The following CDS1 variants were observed in gnomAD, a reference collection of about 807,000 sequenced individuals.
CDS1 encodes CDP-diacylglycerol synthase 1.
Under a neutral mutation model 62.1 loss-of-function variants are expected in CDS1, and 41 were observed. The observed-to-expected ratio is 0.66, with a 90% confidence interval of 0.51 to 0.86. The LOEUF is 0.86. Among genes scored for constraint, CDS1 ranks in the 40% least tolerant of loss-of-function variants. The probability of loss-of-function intolerance (pLI) is 0.00; values close to 1 mark genes in which losing one functional copy is unlikely to be tolerated. For missense variants in CDS1, 470 were observed against 550.1 expected (o/e 0.85, Z 1.46); for synonymous variants, 185 against 192.6 (o/e 0.96, Z 0.32).
At chr4:84,646,223 G>A (rs183123651) in intron 12 of CDS1, among the ~76,000 whole-genome samples, 1 of 152,036 alleles carries the variant, frequency 6.6e-6, no homozygotes, top group South Asian at 2.1e-4. Context: ...AACTATTTTT[G>A]AGAGACAGTC....
chr4:84,595,909 T>G (rs1206945544), intron 1 of CDS1, among the ~76,000 whole-genome samples: 1 of 152,208 alleles, frequency 6.6e-6, no homozygotes, highest in African/African-American at 2.4e-5. Context: ...TATAATAGAA[T>G]GAGATATCAC....
At chr4:84,621,828 G>A (rs1211227481) in intron 5 of CDS1, among the ~76,000 whole-genome samples, 3 of 152,164 alleles carry the variant, frequency 2.0e-5, no homozygotes, top group Non-Finnish European at 4.4e-5. Context: ...CCTAGAAATA[G>A]GTATTGAAAA....
intron 2 of CDS1, among the ~76,000 whole-genome samples, chr4:84,606,051 AG>A (rs894756983): frequency 6.6e-6 from 1 of 152,090 alleles, no homozygotes; most frequent in African/African-American, 2.4e-5. Context: ...AATCTTCTCG[AG>A]AAACTTTTCT....
chr4:84,623,927 C>T (rs1030939265), intron 5 of CDS1, among the ~76,000 whole-genome samples: 2 of 151,910 alleles, frequency 1.3e-5, no homozygotes, highest in African/African-American at 2.4e-5. Flanking sequence ...ACAGGCAGCC[C>T]GGGTTCTGAA....
At chr4:84,597,748 CCTT>C (rs1722796163) in intron 1 of CDS1, among the ~76,000 whole-genome samples, 1 of 152,162 alleles carries the variant, frequency 6.6e-6, no homozygotes, top group Admixed American at 6.5e-5. Context: ...TCAGTTTAGT[CCTT>C]CTCCCCAGCA....
At chr4:84,628,419 T>A (rs1054153334) in intron 5 of CDS1, among the ~76,000 whole-genome samples, 1 of 152,344 alleles carries the variant, frequency 6.6e-6, no homozygotes, top group Non-Finnish European at 1.5e-5. Flanking sequence ...AATATTTTTT[T>A]ATCTATTTTT....
At position 84,617,616 on chromosome 4, in the gene CDS1, G is replaced by A; in HGVS notation, c.395G>A (p.Arg132Lys). ...CATGAAATTATCACTATAGGTTATA[G>A]AGTCTATCATTCTTATGATCTACCA... ...CFHEIITIGYRVYHSYDLPWF... is the reference protein window; with the variant it reads ...CFHEIITIGYKVYHSYDLPWF... Residue 132 changes from arginine to lysine, a missense_variant, in exon 4 of 13, where the codon AGA becomes AAA. Around this residue, in one of 5 missense-constraint regions of CDS1, gnomAD observed 34 missense variants for 64.8 expected, o/e 0.52. Coordinates refer to ENST00000295887, the MANE Select transcript of CDS1 (RefSeq NM_001263.4). 6.3e-7 allele frequency: 1 copy of A among 1,596,386 alleles called. No homozygotes were observed.
chr4:84,639,248 C>T (rs913836283), intron 9 of CDS1, among the ~76,000 whole-genome samples: 5 of 152,154 alleles, frequency 3.3e-5, no homozygotes, highest in Admixed American at 3.3e-4. Context: ...TTCTAATGGC[C>T]ATCCATGCTG....
intron 10 of CDS1, 64 bp downstream of exon 10, chr4:84,641,054 T>C: frequency 1.0e-6 from 1 of 994,820 alleles, no homozygotes; most frequent in Non-Finnish European, 1.4e-6. Context: ...AAGCTTCCTT[T>C]ATTATTTATT....
At position 84,591,732 on chromosome 4, in the gene CDS1, G is replaced by C. The variant is rs184590687; in HGVS notation, c.117+8214G>C. ...GCCTAAATGCCCTGCTCAGAATCAT[G>C]GTATTTAGAGCCAGGATTTACCTTA... On this transcript the variant is annotated intron_variant, in intron 1 of 12. Coordinates refer to ENST00000295887, the MANE Select transcript of CDS1 (RefSeq NM_001263.4). Among the ~76,000 whole-genome samples, 13 of 152,160 alleles carry C rather than the reference G, an allele frequency of 8.5e-5. No individual in the cohort carries two copies. The East Asian group carries it at 2.3e-3, about 27-fold the overall frequency.
intron 2 of CDS1, among the ~76,000 whole-genome samples, chr4:84,608,884 T>A (rs987345265): frequency 1.3e-5 from 2 of 151,870 alleles, no homozygotes; most frequent in African/African-American, 4.8e-5. Context: ...TTAACAAAAA[T>A]TATTTTCTTT....
At chr4:84,625,255 C>A (rs78586889) in intron 5 of CDS1, among the ~76,000 whole-genome samples, 26 of 152,280 alleles carry the variant, frequency 1.7e-4, no homozygotes, top group African/African-American at 6.0e-4. Flanking sequence ...CAGAAACTTA[C>A]TGAAAGTCAT....
intron 5 of CDS1, among the ~76,000 whole-genome samples, chr4:84,628,412 A>AT (rs904269148): frequency 6.6e-6 from 1 of 151,968 alleles, no homozygotes; most frequent in African/African-American, 2.4e-5. Context: ...CTTGATAAAT[A>AT]TTTTTTTATC....
Position 84,604,381 on chromosome 4 carries a change from A to T in CDS1, c.245+11A>T. ...TGGTTTATCTTCAAGGTATGATTGG[A>T]TGAAGATGAGTATATCTTAGTGCAC... is the stretch of plus-strand genomic sequence containing the variant. On this transcript the variant is annotated intron_variant, in intron 2 of 12. Coordinates refer to ENST00000295887, the MANE Select transcript of CDS1 (RefSeq NM_001263.4). 6.2e-7 allele frequency: 1 copy of T among 1,611,554 alleles called. No individual in the cohort carries two copies. Among genetic ancestry groups the T allele is most frequent in the Middle Eastern group, 1.7e-4 (1 of 6,040 alleles).
At chr4:84,647,176 AG>A (rs1724582077) in intron 12 of CDS1, among the ~76,000 whole-genome samples, 1 of 152,000 alleles carries the variant, frequency 6.6e-6, no homozygotes, top group African/African-American at 2.4e-5. Flanking sequence ...TTTTCTAGTA[AG>A]CATATAGCTG....
At chr4:84,643,449 C>T (rs751633378) in intron 11 of CDS1, among the ~76,000 whole-genome samples, 2 of 152,140 alleles carry the variant, frequency 1.3e-5, no homozygotes, top group Non-Finnish European at 2.9e-5. Flanking sequence ...AGAATCCAGC[C>T]GTGAATCATC....
chr4:84,632,848 C>T (rs932581560), intron 6 of CDS1, among the ~76,000 whole-genome samples: 9 of 152,174 alleles, frequency 5.9e-5, no homozygotes, highest in African/African-American at 9.6e-5. Context: ...AAAGGCCAAG[C>T]GCCGATGGCT....
chr4:84,626,801 C>G (rs552796440), intron 5 of CDS1, among the ~76,000 whole-genome samples: 1 of 152,240 alleles, frequency 6.6e-6, no homozygotes, highest in African/African-American at 2.4e-5. Context: ...CATTGAGGGT[C>G]CGACTATGTA....
In CDS1 at chr4:84,607,645, C is replaced by T. The variant is rs199752270; in HGVS notation, c.246-1784C>T. Among the ~76,000 whole-genome samples, 3 of 152,008 alleles carry T rather than the reference C, an allele frequency of 2.0e-5. No individual in the cohort carries two copies. The East Asian group carries it at 5.8e-4, about 29-fold the overall frequency. On this transcript the variant is annotated intron_variant, in intron 2 of 12. Transcript: ENST00000295887. ...ACATGGTGGCTCACACCTGAAATCC[C>T]AGCACTTTGGGAGGCCAAGGCAGGA...
Sources: allele counts gnomAD v4.1 joint callset (sites outside exome capture counted in the v4.1 genomes callset), GRCh38; gene constraint gnomAD v4.1.1; regional missense constraint gnomAD v4.1.1; transcripts MANE v1.5; gene names NCBI Gene and HGNC (gene_info 2026-07-23, HGNC 2026-07-21).